Variants in HSP90AA1 observed in about 807,000 individuals in gnomAD.
HSP90AA1 encodes the protein heat shock protein HSP 90-alpha.
Under a neutral mutation model 73.3 loss-of-function variants are expected in HSP90AA1, and 18 were observed. That is an observed-to-expected ratio of 0.25 (90% CI 0.17 to 0.36). HSP90AA1 has a LOEUF of 0.36. Ranked by LOEUF, HSP90AA1 falls within the 10% of genes least tolerant of loss-of-function variation. The pLI, the probability that HSP90AA1 is intolerant of heterozygous loss-of-function variation, is 1.00. For missense variants in HSP90AA1, 704 were observed against 874.2 expected (o/e 0.81, Z 2.45); for synonymous variants, 477 against 296.9 (o/e 1.61, Z -6.24).
chr14:102,106,146 G>A lies in HSP90AA1; in HGVS notation c.156-4061C>T, dbSNP rs2049565064. ...TTCCGTGAAAGTAGGTGCCTGCAGT[G>A]TGGTTCATTTACGTTTACATTGTGT... On this transcript the variant is annotated intron_variant, in intron 1 of 11. Coordinates refer to the HSP90AA1 transcript ENST00000334701. Among the ~76,000 whole-genome samples the A allele has an allele frequency of 2.0e-5, 3 of 152,084 alleles. No homozygotes were observed. The South Asian group carries it at 6.2e-4, about 31-fold the overall frequency.
intron 1 of HSP90AA1, among the ~76,000 whole-genome samples, chr14:102,129,677 A>AT (rs1013578678): frequency 2.0e-5 from 3 of 151,422 alleles, no homozygotes; most frequent in African/African-American, 7.3e-5. Flanking sequence ...TAATTTTTGT[A>AT]TTTTTTTAGT....
At chr14:102,084,346 A>G (rs1001785502) in intron 6 of HSP90AA1, 53 bp downstream of exon 6, 3 of 1,555,208 alleles carry the variant, frequency 1.9e-6, no homozygotes, top group African/African-American at 1.4e-5. Context: ...ATGCCCACCC[A>G]GAAAGTACTT....
At chr14:102,093,967 CA>C (rs2049391991) in intron 2 of HSP90AA1, among the ~76,000 whole-genome samples, 1 of 135,818 alleles carries the variant, frequency 7.4e-6, no homozygotes, top group Non-Finnish European at 1.6e-5. Flanking sequence ...TTTCTTTTTT[CA>C]AAAAAGAAAA....
upstream of HSP90AA1, among the ~76,000 whole-genome samples, chr14:102,090,581 C>T (rs756047905): frequency 6.6e-6 from 1 of 152,020 alleles, no homozygotes; most frequent in African/African-American, 2.4e-5. Context: ...TCCCTAGTAG[C>T]TGGGACTACA....
At chr14:102,085,175 G>A in intron 4 of HSP90AA1, 123 bp downstream of exon 4, 3 of 1,419,214 alleles carry the variant, frequency 2.1e-6, no homozygotes, top group Non-Finnish European at 3.0e-6. Flanking sequence ...ACAGAGTTAG[G>A]TAGTAGAGCT....
chr14:102,085,146 A>G (rs1432037616), intron 4 of HSP90AA1, 148 bp from the exon 5 acceptor site: 1 of 1,475,534 alleles, frequency 6.8e-7, no homozygotes, highest in African/African-American at 1.4e-5. Context: ...ACATCCACTT[A>G]ATAGCCCGAG....
chr14:102,138,397 C>T (rs558123261), intron 1 of HSP90AA1, among the ~76,000 whole-genome samples: 8 of 152,064 alleles, frequency 5.3e-5, no homozygotes, highest in Non-Finnish European at 1.0e-4. Flanking sequence ...ACAGAACATA[C>T]CCTGGTGTTT....
intron 1 of HSP90AA1, among the ~76,000 whole-genome samples, chr14:102,109,478 A>G (rs867517102): frequency 2.6e-5 from 4 of 152,164 alleles, no homozygotes; most frequent in Non-Finnish European, 4.4e-5. Context: ...GGTTTTAAAA[A>G]TGGGAGTTTC....
chr14:102,136,567 C>CAAAAA (rs1165638280), intron 1 of HSP90AA1, among the ~76,000 whole-genome samples: 4 of 53,240 alleles, frequency 7.5e-5, no homozygotes, highest in South Asian at 1.1e-3. Context: ...AGACTCGTCT[C>CAAAAA]AAAAAAAAAA....
At chr14:102,098,920 T>C (rs1395117950) in intron 2 of HSP90AA1, among the ~76,000 whole-genome samples, 1 of 152,218 alleles carries the variant, frequency 6.6e-6, no homozygotes, top group African/African-American at 2.4e-5. Context: ...CTAAACTCTT[T>C]CACTAGAGGA....
chr14:102,127,354 A>G (rs1216601551), intron 1 of HSP90AA1, among the ~76,000 whole-genome samples: 1 of 152,230 alleles, frequency 6.6e-6, no homozygotes, highest in East Asian at 1.9e-4. Flanking sequence ...AGTTCTATCT[A>G]CAAAAAGTGA....
At chr14:102,120,407 T>C (rs990404249) in intron 1 of HSP90AA1, among the ~76,000 whole-genome samples, 2 of 152,184 alleles carry the variant, frequency 1.3e-5, no homozygotes, top group African/African-American at 4.8e-5. Flanking sequence ...TCATTTACAT[T>C]TAAAGACTTT....
At chr14:102,084,306 A>C (rs550108688) in intron 6 of HSP90AA1, 93 bp downstream of exon 6, 1 of 1,234,408 alleles carries the variant, frequency 8.1e-7, no homozygotes, top group Non-Finnish European at 1.2e-6. Context: ...CCGGCCTCCC[A>C]AAGTGCTAGG....
In HSP90AA1 at chr14:102,082,436, C is replaced by T; in HGVS notation, c.1764G>A (p.Val588=). ...ILEKKVEKVV[V]SNRLVTSPCC... is the part of the protein sequence containing the mutation. ...ATGGAGATGTCACCAATCGGTTTGA[C>T]ACAACCACCTGTAATCAAAAAGTGA... is the stretch of plus-strand genomic sequence containing the variant. The change falls in exon 10 of 11, where the codon GTG becomes GTA. Residue 588 remains valine, a synonymous_variant. Coordinates refer to ENST00000216281, the MANE Select transcript of HSP90AA1 (RefSeq NM_005348.4). The T allele has an allele frequency of 6.2e-7, 1 of 1,611,232 alleles. No homozygotes were observed. Among genetic ancestry groups the T allele is most frequent in the South Asian group, 1.1e-5 (1 of 91,066 alleles).
At chr14:102,098,778 C>T (rs891996481) in intron 2 of HSP90AA1, among the ~76,000 whole-genome samples, 20 of 152,186 alleles carry the variant, frequency 1.3e-4, no homozygotes, top group African/African-American at 4.8e-4. Context: ...TCACTGTAAC[C>T]TCCGCCTCCG....
chr14:102,119,719 C>T (rs2049752163), intron 1 of HSP90AA1, among the ~76,000 whole-genome samples: 1 of 152,130 alleles, frequency 6.6e-6, no homozygotes, highest in African/African-American at 2.4e-5. Context: ...GATCTCCTGA[C>T]CTTGTGCTCC....
chr14:102,083,536 GT>G lies in HSP90AA1; in HGVS notation c.1486+9del. 6.2e-7 allele frequency: 1 copy of G among 1,612,162 alleles called. No individual in the cohort carries two copies. Among genetic ancestry groups the G allele is most frequent in the Non-Finnish European group, 8.5e-7 (1 of 1,178,832 alleles). ...ACGACGTGTATGACTGTAACATAGT[GT>G]TCTCTTACCTGTGATATAATAGATA... On this transcript the variant is annotated intron_variant, in intron 8 of 10. Transcript: ENST00000216281.
chr14:102,102,013 G>T, exon 2 of HSP90AA1: 1 of 1,614,090 alleles, frequency 6.2e-7, no homozygotes, highest in Non-Finnish European at 8.5e-7. Context: ...AGAGTAGAGT[G>T]GTGGATCCAG....
chr14:102,138,331 G>A (rs1010703395), intron 1 of HSP90AA1, among the ~76,000 whole-genome samples: 2 of 151,988 alleles, frequency 1.3e-5, no homozygotes, highest in African/African-American at 2.4e-5. Context: ...TGTAAAATAC[G>A]TGTTTTCAAT....
Sources: allele counts gnomAD v4.1 joint callset (sites outside exome capture counted in the v4.1 genomes callset), GRCh38; gene constraint gnomAD v4.1.1; transcripts MANE v1.5; gene names NCBI Gene and HGNC (gene_info 2026-07-23, HGNC 2026-07-21).